EFCAB7: variants seen among roughly 807,000 people sequenced by gnomAD.
The protein encoded by EFCAB7 is EF-hand calcium-binding domain-containing protein 7.
In EFCAB7, 66 loss-of-function variants were observed where a neutral mutation model predicts 77.1. The ratio of observed to expected loss-of-function variants is 0.86; its 90% CI spans 0.70 to 1.05. The LOEUF (loss-of-function observed/expected upper bound fraction) is 1.05. Among genes scored for constraint, EFCAB7 ranks in the 50% least tolerant of loss-of-function variants. The pLI, the probability that EFCAB7 is intolerant of heterozygous loss-of-function variation, is 0.00. For missense variants in EFCAB7, 638 were observed against 730.5 expected (o/e 0.87, Z 1.46); for synonymous variants, 225 against 243.3 (o/e 0.92, Z 0.70).
intron 10 of EFCAB7, among the ~76,000 whole-genome samples, chr1:63,560,872 C>T (rs1014756390): frequency 5.3e-5 from 8 of 152,148 alleles, no homozygotes; most frequent in African/African-American, 1.9e-4. Context: ...ACAGTTATGT[C>T]TCTGCTGCTT....
chr1:63,572,489 T>C lies in EFCAB7; in HGVS notation c.1863T>C (p.Tyr621=). The change falls in exon 14 of 14, where the codon TAT becomes TAC. Residue 621 remains tyrosine, a synonymous_variant. Coordinates refer to ENST00000371088, the MANE Select transcript of EFCAB7 (RefSeq NM_032437.4). ...MPLNERQEWI[Y]YCIYSLIS Reference sequence around the variant, plus strand: ...TGAATGAACGACAAGAATGGATATATTATTGTATATATTCTCTTATTTCTT... The same window carrying C: ...TGAATGAACGACAAGAATGGATATACTATTGTATATATTCTCTTATTTCTT... 6.5e-7 allele frequency: 1 copy of C among 1,541,414 alleles called. No homozygotes were observed. Among genetic ancestry groups the C allele is most frequent in the Non-Finnish European group, 8.8e-7 (1 of 1,136,992 alleles).
chr1:63,557,274 A>T, intron 10 of EFCAB7, 27 bp downstream of exon 10: 1 of 1,571,832 alleles, frequency 6.4e-7, no homozygotes, highest in South Asian at 1.2e-5. Context: ...TCCTTAACAG[A>T]TGTATAAAAA....
chr1:63,563,424 C>T (rs114826165), intron 11 of EFCAB7, among the ~76,000 whole-genome samples: 2,290 of 152,322 alleles, frequency 0.015, 24 homozygotes, highest in Non-Finnish European at 0.024. Context: ...TGATCAGGCA[C>T]AGTCTCTCGG....
At chr1:63,545,207 G>A (rs1646882517) in intron 6 of EFCAB7, among the ~76,000 whole-genome samples, 1 of 151,348 alleles carries the variant, frequency 6.6e-6, no homozygotes, top group Admixed American at 6.6e-5. Flanking sequence ...GTGAGCCACC[G>A]TGCCCAGCCA....
intron 9 of EFCAB7, 146 bp downstream of exon 9, chr1:63,555,661 T>C: frequency 1.6e-6 from 1 of 640,654 alleles, no homozygotes; most frequent in South Asian, 3.1e-5. Context: ...TGTATGAACT[T>C]GGAGGATGTT....
chr1:63,553,725 T>C (rs1435543353), intron 8 of EFCAB7, among the ~76,000 whole-genome samples: 1 of 152,222 alleles, frequency 6.6e-6, no homozygotes, highest in African/African-American at 2.4e-5. Flanking sequence ...GATTATGATT[T>C]CTCTGAGTTG....
intron 2 of EFCAB7, chr1:63,529,191 G>A (rs1239132400): frequency 1.3e-5 from 2 of 152,058 alleles, no homozygotes; most frequent in Non-Finnish European, 2.9e-5. Context: ...ATAAAACTGT[G>A]GGAATAAAAA....
downstream of EFCAB7, among the ~76,000 whole-genome samples, chr1:63,576,962 T>G (rs147643508): frequency 2.6e-5 from 4 of 151,910 alleles, no homozygotes; most frequent in Non-Finnish European, 5.9e-5. Context: ...GCCTGGCCAA[T>G]ATGGTGAAAC....
rs1646763220 is a variant in EFCAB7 at position 63,536,369 on chromosome 1, TC to T, written c.804+2154del. On this transcript the variant is annotated intron_variant, in intron 6 of 13. Transcript: ENST00000371088. ...GCATTCAGTTCTTTGTTTACATTTT[TC>T]TTTTCTTTATTTATTTATGCATTTT... is the stretch of plus-strand genomic sequence containing the variant. Among the ~76,000 whole-genome samples the T allele has an allele frequency of 2.0e-5, 3 of 152,144 alleles. No individual in the cohort carries two copies. The South Asian group carries it at 6.2e-4, about 31-fold the overall frequency.
chr1:63,571,565 C>T (rs1418688916), intron 13 of EFCAB7, among the ~76,000 whole-genome samples: 6 of 148,060 alleles, frequency 4.1e-5, no homozygotes, highest in African/African-American at 1.0e-4. Context: ...TCCAGCTACT[C>T]GGGAGGCTGA....
intron 3 of EFCAB7, 52 bp from the exon 4 acceptor site, chr1:63,532,618 A>G: frequency 7.0e-7 from 1 of 1,437,312 alleles, no homozygotes; most frequent in Non-Finnish European, 9.5e-7. Flanking sequence ...CCCCATGAAT[A>G]ACAAAGGAGT....
At chr1:63,567,570 G>A (rs1385601991) in intron 11 of EFCAB7, among the ~76,000 whole-genome samples, 1 of 152,202 alleles carries the variant, frequency 6.6e-6, no homozygotes, top group Non-Finnish European at 1.5e-5. Context: ...CCTCTGCAGA[G>A]GTGGCACTTA....
chr1:63,544,415 T>G (rs929970755), intron 6 of EFCAB7, among the ~76,000 whole-genome samples: 5 of 151,990 alleles, frequency 3.3e-5, no homozygotes, highest in African/African-American at 1.2e-4. Flanking sequence ...TCTGTAGCTG[T>G]GAAACTTCTT....
intron 13 of EFCAB7, 100 bp from the exon 14 acceptor site, chr1:63,572,342 A>T (rs1448772795): frequency 1.1e-6 from 1 of 899,320 alleles, no homozygotes; most frequent in South Asian, 1.6e-5. Flanking sequence ...CTGTACAGGG[A>T]TATTCTTATA....
chr1:63,577,001 G>A (rs1647441882), downstream of EFCAB7, among the ~76,000 whole-genome samples: 1 of 151,822 alleles, frequency 6.6e-6, no homozygotes, highest in Non-Finnish European at 1.5e-5. Flanking sequence ...ACAAAAATCA[G>A]CCAGGTGTGG....
At chr1:63,529,612 C>G (rs1646658629) in intron 2 of EFCAB7, 1 of 151,988 alleles carries the variant, frequency 6.6e-6, no homozygotes, top group South Asian at 2.1e-4. Context: ...ACTCGGGAGG[C>G]TGAGGCAGGA....
At chr1:63,538,335 G>A (rs1646787129) in intron 6 of EFCAB7, among the ~76,000 whole-genome samples, 1 of 152,028 alleles carries the variant, frequency 6.6e-6, no homozygotes, top group African/African-American at 2.4e-5. Context: ...TGATTTATTT[G>A]AATGAGCCAG....
intron 10 of EFCAB7, among the ~76,000 whole-genome samples, chr1:63,560,512 C>CTTTT (rs11347600): frequency 7.7e-5 from 6 of 77,420 alleles, no homozygotes; most frequent in Non-Finnish European, 7.0e-5. Context: ...AAACTCTTAA[C>CTTTT]TTTTTTTTTT....
intron 6 of EFCAB7, among the ~76,000 whole-genome samples, chr1:63,544,741 A>T (rs1056993689): frequency 2.0e-5 from 3 of 151,856 alleles, no homozygotes; most frequent in Non-Finnish European, 1.5e-5. Flanking sequence ...GCATGCTTCT[A>T]GTTATCTACA....
Sources: gnomAD v4.1 joint callset for allele counts (sites outside exome capture counted in the v4.1 genomes callset) on GRCh38, gnomAD v4.1.1 for gene constraint, MANE v1.5 for transcripts, NCBI Gene and HGNC (gene_info 2026-07-23, HGNC 2026-07-21) for gene names.